The following RASEF variants were observed in gnomAD, a reference collection of about 807,000 sequenced individuals.
RASEF encodes RAS and EF-hand domain containing.
In RASEF, 68 loss-of-function variants were observed where a neutral mutation model predicts 90.1. The observed-to-expected ratio is 0.75, with a 90% confidence interval of 0.62 to 0.92. The LOEUF is 0.92. RASEF is among the 40% of genes least tolerant of loss of function. The probability of loss-of-function intolerance (pLI) is 0.00; values close to 1 mark genes in which losing one functional copy is unlikely to be tolerated. For missense variants in RASEF, 949 were observed against 937.2 expected (o/e 1.01, Z -0.16); for synonymous variants, 331 against 345.2 (o/e 0.96, Z 0.46).
At chr9:83,108,831 T>C in the RASEF span, among the ~76,000 whole-genome samples, 1 of 152,190 alleles carries the variant, frequency 6.6e-6, no homozygotes. Context: ...ACAGTTATCC[T>C]GATCACAATA....
chr9:83,168,853 A>G, the RASEF span, among the ~76,000 whole-genome samples: 2 of 152,128 alleles, frequency 1.3e-5, no homozygotes, highest in African/African-American at 4.8e-5. Flanking sequence ...TTCAAGCCTT[A>G]TCTTCTAGCT....
At chr9:82,988,964 G>C (rs1002655816) in intron 16 of RASEF, among the ~76,000 whole-genome samples, 2 of 152,156 alleles carry the variant, frequency 1.3e-5, no homozygotes, top group Admixed American at 6.6e-5. Context: ...AGTGTTGTAG[G>C]GGGAGGTGAC....
intron 1 of RASEF, chr9:83,048,227 C>T (rs1054976607): frequency 2.0e-6 from 2 of 985,236 alleles, no homozygotes; most frequent in African/African-American, 3.5e-5. Flanking sequence ...ACCGGCAGTC[C>T]TATTGATGCT....
At chr9:83,181,476 C>T in the RASEF span, among the ~76,000 whole-genome samples, 1 of 152,110 alleles carries the variant, frequency 6.6e-6, no homozygotes, top group Admixed American at 6.6e-5. Flanking sequence ...TCATGGGATG[C>T]GATTCCCATT....
chr9:83,008,722 C>T (rs990719789), intron 6 of RASEF, among the ~76,000 whole-genome samples: 15 of 151,902 alleles, frequency 9.9e-5, no homozygotes, highest in African/African-American at 3.6e-4. Context: ...CTCTTCAATA[C>T]AGTTCTTCAC....
At position 83,062,983 on chromosome 9, in the gene RASEF, G is replaced by C; in HGVS notation, c.-116C>G. On this transcript the variant is annotated 5_prime_UTR_variant, in exon 1 of 17. Transcript: ENST00000376447. Reference sequence around the variant, plus strand: ...AGGCCCGGCGAGTTTGGCTCGTCCGGCTGGTTCGGCCACTTGAGGGAACGT... The same window carrying C: ...AGGCCCGGCGAGTTTGGCTCGTCCGCCTGGTTCGGCCACTTGAGGGAACGT... The C allele has an allele frequency of 8.6e-7, 1 of 1,158,602 alleles. No homozygotes were observed. The highest frequency in any genetic ancestry group is 1.1e-6 in the Non-Finnish European group (1 of 882,030). 71.8% of individuals were successfully genotyped at this position (1,158,602 alleles called of 1,614,324 possible).
the RASEF span, among the ~76,000 whole-genome samples, chr9:83,082,285 T>A: frequency 6.6e-6 from 1 of 152,292 alleles, no homozygotes; most frequent in East Asian, 1.9e-4. Flanking sequence ...AATTTCCTAA[T>A]TAGAGAATGA....
the RASEF span, among the ~76,000 whole-genome samples, chr9:83,186,643 G>T: frequency 1.5e-4 from 23 of 151,966 alleles, no homozygotes; most frequent in Non-Finnish European, 3.4e-4. Flanking sequence ...CATAATGTTG[G>T]GGAAGACAAT....
At chr9:83,200,969 T>C in the RASEF span, 1 of 152,212 alleles carries the variant, frequency 6.6e-6, no homozygotes. Flanking sequence ...TAGACCAGGA[T>C]TTTGTACATA....
the RASEF span, among the ~76,000 whole-genome samples, chr9:83,103,231 G>A: frequency 2.0e-5 from 3 of 152,142 alleles, no homozygotes; most frequent in Admixed American, 1.3e-4. Flanking sequence ...AGTAGTCCCT[G>A]AGAATATCAT....
At chr9:82,996,974 C>T (rs770326812) in intron 14 of RASEF, 38 bp downstream of exon 14, 1 of 1,219,864 alleles carries the variant, frequency 8.2e-7, no homozygotes, top group Non-Finnish European at 1.2e-6. Context: ...CTAAAACTTC[C>T]TCGTGTAATT....
At chr9:83,081,468 C>G in the RASEF span, among the ~76,000 whole-genome samples, 266 of 152,154 alleles carry the variant, frequency 1.7e-3, 2 homozygotes, top group African/African-American at 5.9e-3. Flanking sequence ...ATAAAAACCT[C>G]GTGATGGCAC....
the RASEF span, among the ~76,000 whole-genome samples, chr9:83,076,516 C>T: frequency 8.9e-3 from 1,353 of 152,058 alleles, 25 homozygotes; most frequent in African/African-American, 0.03. Flanking sequence ...AATGCCATGC[C>T]TTTACAGAAG....
the RASEF span, among the ~76,000 whole-genome samples, chr9:83,081,073 A>C: frequency 3.3e-5 from 5 of 152,104 alleles, no homozygotes; most frequent in Non-Finnish European, 7.3e-5. Context: ...AGCTCACTTC[A>C]TGCCCACGAT....
intron 4 of RASEF, among the ~76,000 whole-genome samples, chr9:83,013,745 T>C (rs1829292211): frequency 6.6e-6 from 1 of 152,186 alleles, no homozygotes; most frequent in African/African-American, 2.4e-5. Context: ...TCTCTAAAAG[T>C]AGGATATTTA....
the RASEF span, among the ~76,000 whole-genome samples, chr9:83,194,054 C>G: frequency 6.6e-6 from 1 of 152,150 alleles, no homozygotes; most frequent in Non-Finnish European, 1.5e-5. Flanking sequence ...CTATATACCC[C>G]TCCCTTTGTT....
Position 83,061,757 on chromosome 9 carries a change from T to A in RASEF, c.431+680A>T, listed in dbSNP as rs199497748. On this transcript the variant is annotated intron_variant, in intron 1 of 16. Coordinates refer to ENST00000376447, the MANE Select transcript of RASEF (RefSeq NM_152573.4). ...TGTGTCATTTTATCATTTTATTCCGTCACATAAAAAGTGAGTTTTTCAGTT... is the reference window on the plus strand; with the variant it reads ...TGTGTCATTTTATCATTTTATTCCGACACATAAAAAGTGAGTTTTTCAGTT... Among the ~76,000 whole-genome samples the A allele has an allele frequency of 1.8e-4, 28 of 152,296 alleles. No homozygotes were observed. The East Asian group carries it at 5.4e-3, about 29-fold the overall frequency.
chr9:83,194,774 A>G, the RASEF span, among the ~76,000 whole-genome samples: 5 of 152,156 alleles, frequency 3.3e-5, no homozygotes, highest in Non-Finnish European at 2.9e-5. Context: ...ATAACCTAGC[A>G]CTACATTATT....
chr9:83,071,079 T>G, the RASEF span, among the ~76,000 whole-genome samples: 38 of 152,348 alleles, frequency 2.5e-4, no homozygotes, highest in Non-Finnish European at 4.4e-4. Context: ...AAGATGGTTT[T>G]GCTTCTTCAT....
Sources: allele counts gnomAD v4.1 joint callset (sites outside exome capture counted in the v4.1 genomes callset), GRCh38; gene constraint gnomAD v4.1.1; transcripts MANE v1.5; gene names NCBI Gene and HGNC (gene_info 2026-07-23, HGNC 2026-07-21).